The following GFOD1 variants were observed in gnomAD, a reference collection of about 807,000 sequenced individuals.
GFOD1 encodes the protein glucose-fructose oxidoreductase domain-containing protein 1.
In GFOD1, 9 loss-of-function variants were observed where a neutral mutation model predicts 25.4. That is an observed-to-expected ratio of 0.35 (90% CI 0.21 to 0.62). The LOEUF is 0.62. GFOD1 is among the 20% of genes least tolerant of loss of function. GFOD1 has a pLI of 0.72. For synonymous variants in GFOD1, 253 were observed against 245.6 expected, an observed-to-expected ratio of 1.03 and a Z score of -0.28; for missense variants, 403 against 556.9, an observed-to-expected ratio of 0.72 and a Z score of 2.78.
chr6:13,486,860 T>G lies in GFOD1; in HGVS notation c.31A>C (p.Ser11Arg). Residue 11 changes from serine (S) to arginine (R), a missense_variant, in exon 1 of 2, where the codon AGC becomes CGC. By Grantham distance (110) the Ser-to-Arg change is moderately radical. Transcript: ENST00000379287. ...GGGATGATGACACGGGCCGTGAGGC[T>G]GGTGCCGAACACGCCCACCCCGGGA... MLPGVGVFGTSLTARVIIPLL... is the reference protein window; with the variant it reads MLPGVGVFGTRLTARVIIPLL... 6.2e-7 allele frequency: 1 copy of G among 1,612,378 alleles called. No homozygotes were observed. The highest frequency in any genetic ancestry group is 1.3e-5 in the African/African-American group (1 of 75,052).
At chr6:13,444,214 T>C (rs1757965159) in intron 1 of GFOD1, among the ~76,000 whole-genome samples, 1 of 152,176 alleles carries the variant, frequency 6.6e-6, no homozygotes, top group Non-Finnish European at 1.5e-5. Flanking sequence ...TGCGGGAACA[T>C]GGATGGAGCT....
At chr6:13,446,532 T>A (rs1381574760) in intron 1 of GFOD1, among the ~76,000 whole-genome samples, 1 of 151,282 alleles carries the variant, frequency 6.6e-6, no homozygotes, top group Non-Finnish European at 1.5e-5. Context: ...GCCGGGAGAG[T>A]CTGAGCAACA....
At chr6:13,433,871 C>T (rs1038339717) in intron 1 of GFOD1, among the ~76,000 whole-genome samples, 8 of 152,228 alleles carry the variant, frequency 5.3e-5, no homozygotes, top group African/African-American at 1.9e-4. Context: ...AAGGCTCCCT[C>T]AGCCCGTACA....
chr6:13,435,262 T>A (rs1326469046), intron 1 of GFOD1, among the ~76,000 whole-genome samples: 1 of 152,096 alleles, frequency 6.6e-6, no homozygotes, highest in East Asian at 1.9e-4. Context: ...GTGGTAGAGG[T>A]GCTAATTCCC....
Position 13,470,502 on chromosome 6 carries a change from G to C in GFOD1, c.253+16136C>G, listed in dbSNP as rs754426706. 9.0e-6 allele frequency: 14 copies of C among 1,549,846 alleles called. No individual in the cohort carries two copies. The South Asian group carries it at 1.1e-4, about 12-fold the overall frequency. ...TGGGACTCTCCAAGAGCAGCATCGT[G>C]GGGGGTAAACAAATGTCCCATGTGG... On this transcript the variant is annotated intron_variant, in intron 1 of 1. Coordinates refer to ENST00000379287, the MANE Select transcript of GFOD1 (RefSeq NM_018988.4).
At chr6:13,405,894 G>A (rs1785935206) in intron 1 of GFOD1, among the ~76,000 whole-genome samples, 2 of 152,170 alleles carry the variant, frequency 1.3e-5, no homozygotes, top group Non-Finnish European at 2.9e-5. Flanking sequence ...ACTCCTGAGA[G>A]ATACTCGCAA....
chr6:13,361,878 C>T lies in GFOD1; in HGVS notation c.*2865G>A, dbSNP rs1005773040. On this transcript the variant is annotated 3_prime_UTR_variant, in exon 2 of 2. Transcript: ENST00000379287. ...TTCAAATGAGATTTTTTGTTTTAGA[C>T]ATTAAATATGTATTACAGAGCTTAG... The T allele has an allele frequency of 6.6e-6, 1 of 152,088 alleles. No homozygotes were observed. The highest frequency in any genetic ancestry group is 2.4e-5 in the African/African-American group (1 of 41,416). 9.4% of individuals were successfully genotyped at this position (152,088 alleles called of 1,614,324 possible). A position where few individuals can be genotyped will look rare whatever the true frequency, so the allele number is the denominator to read the frequency against.
intron 1 of GFOD1, among the ~76,000 whole-genome samples, chr6:13,436,239 T>A (rs1757831389): frequency 6.6e-6 from 1 of 151,470 alleles, no homozygotes; most frequent in Non-Finnish European, 1.5e-5. Flanking sequence ...AGCACATAAA[T>A]AAACTTTAAT....
rs1562189732 is a variant in GFOD1 at position 13,359,775 on chromosome 6, T to TCCC, written c.*4967_*4968insGGG. The TCCC allele has an allele frequency of 6.6e-6, 1 of 151,932 alleles. No homozygotes were observed. Among genetic ancestry groups the TCCC allele is most frequent in the African/African-American group, 2.4e-5 (1 of 41,356 alleles). The allele number at this position is 151,932 out of a possible 1,614,324, so 9.4% of individuals were successfully genotyped here. A position where few individuals can be genotyped will look rare whatever the true frequency, so the allele number is the denominator to read the frequency against. ...CAGCCTGACCAATATGGGGAAACCT[T>TCCC]GTCTCTACTAAAAATACAAAAATTA... On this transcript the variant is annotated 3_prime_UTR_variant, in exon 2 of 2. Coordinates refer to ENST00000379287, the MANE Select transcript of GFOD1 (RefSeq NM_018988.4).
At chr6:13,463,004 G>A (rs1758318032) in intron 1 of GFOD1, among the ~76,000 whole-genome samples, 1 of 152,236 alleles carries the variant, frequency 6.6e-6, no homozygotes, top group Admixed American at 6.5e-5. Context: ...ATTTCACGAG[G>A]CAGAGAGCAG....
At chr6:13,468,300 A>G (rs987027633) in intron 1 of GFOD1, among the ~76,000 whole-genome samples, 4 of 152,116 alleles carry the variant, frequency 2.6e-5, no homozygotes, top group African/African-American at 9.7e-5. Context: ...AAAATTTCCT[A>G]TATTGCTAGT....
At position 13,365,250 on chromosome 6, in the gene GFOD1, G is replaced by T. The variant is rs1247161993; in HGVS notation, c.666C>A (p.Thr222=). Residue 222 remains threonine (T), a synonymous_variant, in exon 2 of 2, where the codon ACC becomes ACA. Coordinates refer to ENST00000379287, the MANE Select transcript of GFOD1 (RefSeq NM_018988.4). The surrounding 1 kb of genome is among the most constrained non-coding windows in gnomAD (Gnocchi z 9.2). ...CCCCGCCCTCCAGCACCATCTGGAA[G>T]GTGCAGAAGTCATCGCTGGTGATCT... ...IRQITSDDFC[T]FQMVLEGGVC... 3.7e-6 allele frequency: 6 copies of T among 1,614,116 alleles called. No homozygotes were observed. The highest frequency in any genetic ancestry group is 5.1e-6 in the Non-Finnish European group (6 of 1,180,052).
intron 1 of GFOD1, among the ~76,000 whole-genome samples, chr6:13,385,476 G>T (rs1226030583): frequency 6.6e-6 from 1 of 152,212 alleles, no homozygotes; most frequent in Non-Finnish European, 1.5e-5. Context: ...TTCTGCTGGG[G>T]CTGTGGACAG....
chr6:13,486,761 T>G lies in GFOD1; in HGVS notation c.130A>C (p.Lys44Gln). 3 of 1,614,110 alleles carry G rather than the reference T, an allele frequency of 1.9e-6. No homozygotes were observed. Among genetic ancestry groups the G allele is most frequent in the Non-Finnish European group, 2.5e-6 (3 of 1,180,000 alleles). ...GTGTAGAAGGGGACACTCATCTCCT[T>G]GGCCAGCTCCTCCGCTTCTTCCTGC... ...RTQEEAEELAKEMSVPFYTSR... is the reference protein window; with the variant it reads ...RTQEEAEELAQEMSVPFYTSR... The change falls in exon 1 of 2, where the codon AAG becomes CAG. Residue 44 changes from lysine (K) to glutamine (Q), a missense_variant. Lys to Gln is a moderately conservative substitution (Grantham distance 53). Transcript: ENST00000379287.
intron 1 of GFOD1, among the ~76,000 whole-genome samples, chr6:13,466,305 AG>A (rs1758378291): frequency 6.6e-6 from 1 of 152,264 alleles, no homozygotes; most frequent in Non-Finnish European, 1.5e-5. Context: ...TAAAGTAAAC[AG>A]ATTTCTTTTC....
chr6:13,409,282 CAGAGAGGAAGGAAGGAAGAAAGGA>C (rs1786024414), intron 1 of GFOD1, among the ~76,000 whole-genome samples: 2 of 76,604 alleles, frequency 2.6e-5, no homozygotes, highest in Non-Finnish European at 5.8e-5. Context: ...GATAGAGAGA[CAGAGAGGAAGGAAGGAAGAAAGGA>C]AGGAAGGAAG....
At chr6:13,433,718 A>G (rs1176734661) in intron 1 of GFOD1, among the ~76,000 whole-genome samples, 1 of 151,848 alleles carries the variant, frequency 6.6e-6, no homozygotes, top group Non-Finnish European at 1.5e-5. Context: ...CAGTGCACTG[A>G]AGAGAGAGAC....
chr6:13,409,201 G>GAAAGAAAGAA lies in GFOD1; in HGVS notation c.254-43540_254-43539insTTCTTTCTTT, dbSNP rs375074286. Among the ~76,000 whole-genome samples, 218 of 48,172 alleles carry GAAAGAAAGAA rather than the reference G, an allele frequency of 4.5e-3. 8 individuals carry two copies. The highest frequency in any genetic ancestry group is 0.041 in the East Asian group (68 of 1,674). The allele number at this position is 48,172 out of a possible 152,430, so 31.6% of individuals were successfully genotyped here. On this transcript the variant is annotated intron_variant, in intron 1 of 1. Transcript: ENST00000379287. ...AGAGAGAGAGAAAGAAAGAAAGAAA[G>GAAAGAAAGAA]AGAAAGAAGGAAAGAGAGAGAGAGG...
intron 1 of GFOD1, among the ~76,000 whole-genome samples, chr6:13,472,339 C>T (rs1758527455): frequency 6.6e-6 from 1 of 152,194 alleles, no homozygotes; most frequent in African/African-American, 2.4e-5. Flanking sequence ...CTGCATAGCA[C>T]AGACCCAGAG....
Sources: allele counts gnomAD v4.1 joint callset (sites outside exome capture counted in the v4.1 genomes callset), GRCh38; gene constraint gnomAD v4.1.1; non-coding constraint Gnocchi (gnomAD v3.1); transcripts MANE v1.5; gene names NCBI Gene and HGNC (gene_info 2026-07-23, HGNC 2026-07-21).